The following SLFN12 variants were observed in gnomAD, a reference collection of about 807,000 sequenced individuals.
The protein encoded by SLFN12 is ribonuclease SLFN12.
A neutral mutation model predicts 29.1 loss-of-function variants in SLFN12; 25 were observed. The observed-to-expected ratio is 0.86, with a 90% CI of 0.63 to 1.20. SLFN12 has a LOEUF of 1.20. Ranked by LOEUF, SLFN12 falls within the 50% of genes most tolerant of loss-of-function variation. The pLI is 0.00. For synonymous variants in SLFN12, 257 were observed against 238.7 expected, an observed-to-expected ratio of 1.08 and a Z score of -0.71; for missense variants, 660 against 666.2, an observed-to-expected ratio of 0.99 and a Z score of 0.10.
chr17:35,412,392 G>A (rs888106873), intron 3 of SLFN12, among the ~76,000 whole-genome samples: 3 of 152,016 alleles, frequency 2.0e-5, no homozygotes, highest in Non-Finnish European at 2.9e-5. Context: ...ATATCAACTG[G>A]GAGACTAAAG....
intron 3 of SLFN12, 56 bp downstream of exon 3, chr17:35,420,218 A>G: frequency 8.0e-7 from 1 of 1,243,176 alleles, no homozygotes; most frequent in East Asian, 2.3e-5. Context: ...GTTTGAAGAG[A>G]AAGAGGTTTG....
Position 35,424,871 on chromosome 17 carries a change from G to A in SLFN12, c.-40-1803C>T, listed in dbSNP as rs1911907216. On this transcript the variant is annotated intron_variant, in intron 1 of 3. Transcript: ENST00000304905. ...AAATAAAATCCTATATATTGATCATGTACAATGTGTTTTTTTGAAACTTGT... is the reference window on the plus strand; with the variant it reads ...AAATAAAATCCTATATATTGATCATATACAATGTGTTTTTTTGAAACTTGT... 2.0e-5 allele frequency among the ~76,000 whole-genome samples: 3 copies of A among 152,102 alleles called. No individual in the cohort carries two copies. In the South Asian group the frequency reaches 6.2e-4, roughly 32 times the overall value.
chr17:35,417,559 C>T (rs1040241829), intron 3 of SLFN12, among the ~76,000 whole-genome samples: 1 of 151,930 alleles, frequency 6.6e-6, no homozygotes, highest in African/African-American at 2.4e-5. Context: ...AATGGGAAAG[C>T]CATAGACACA....
At chr17:35,428,776 T>C (rs1912148190) in intron 1 of SLFN12, among the ~76,000 whole-genome samples, 1 of 152,166 alleles carries the variant, frequency 6.6e-6, no homozygotes, top group Non-Finnish European at 1.5e-5. Flanking sequence ...CAATGTGGCA[T>C]AATTATGCTA....
chr17:35,415,547 CA>C (rs1911265583), intron 3 of SLFN12, among the ~76,000 whole-genome samples: 1 of 152,034 alleles, frequency 6.6e-6, no homozygotes, highest in African/African-American at 2.4e-5. Flanking sequence ...TTCTGCACAG[CA>C]AAAGAAATAG....
At chr17:35,413,232 C>T (rs1303626239) in intron 3 of SLFN12, among the ~76,000 whole-genome samples, 4 of 151,966 alleles carry the variant, frequency 2.6e-5, no homozygotes, top group Non-Finnish European at 4.4e-5. Flanking sequence ...AAAGATATCA[C>T]TCACAAATAC....
chr17:35,427,691 T>C (rs937049331), intron 1 of SLFN12, among the ~76,000 whole-genome samples: 1 of 152,182 alleles, frequency 6.6e-6, no homozygotes, highest in African/African-American at 2.4e-5. Flanking sequence ...TTTAAAAACC[T>C]TATTAACTGC....
Position 35,432,334 on chromosome 17 carries a change from C to A in SLFN12, c.-187G>T. ...GATTTATTGAAAACGAAAGTGCACTCCACAGGGTGGGAGCAGGCCCGAGGA... is the reference window on the plus strand; with the variant it reads ...GATTTATTGAAAACGAAAGTGCACTACACAGGGTGGGAGCAGGCCCGAGGA... On this transcript the variant is annotated 5_prime_UTR_variant, in exon 1 of 4. Transcript: ENST00000304905. 1 of 152,370 alleles carries A rather than the reference C, an allele frequency of 6.6e-6. No homozygotes were observed. The highest frequency in any genetic ancestry group is 1.5e-5 in the Non-Finnish European group (1 of 68,120). The allele number at this position is 152,370 out of a possible 1,614,324, so 9.4% of individuals were successfully genotyped here. A position where few individuals can be genotyped will look rare whatever the true frequency, so the allele number is the denominator to read the frequency against.
At chr17:35,427,182 A>C (rs1912063986) in intron 1 of SLFN12, among the ~76,000 whole-genome samples, 1 of 152,212 alleles carries the variant, frequency 6.6e-6, no homozygotes, top group African/African-American at 2.4e-5. Flanking sequence ...CATGCAGGGC[A>C]AAAACTTGGG....
chr17:35,412,304 G>A (rs929733401), intron 3 of SLFN12, among the ~76,000 whole-genome samples: 7 of 152,100 alleles, frequency 4.6e-5, no homozygotes, highest in Non-Finnish European at 5.9e-5. Context: ...AAGCTGCAGA[G>A]AAGAAGCCAA....
intron 3 of SLFN12, 115 bp from the exon 4 acceptor site, chr17:35,412,042 T>C: frequency 1.4e-6 from 1 of 714,362 alleles, no homozygotes; most frequent in South Asian, 2.7e-5. Flanking sequence ...GTAAAAGTTG[T>C]ATAAAATATA....
At chr17:35,421,850 A>G in intron 2 of SLFN12, 140 bp downstream of exon 2, 2 of 1,201,566 alleles carry the variant, frequency 1.7e-6, no homozygotes, top group Non-Finnish European at 2.3e-6. Flanking sequence ...GAGGCAGGGA[A>G]CTATTGATTG....
intron 2 of SLFN12, among the ~76,000 whole-genome samples, chr17:35,421,566 G>A (rs1451204903): frequency 8.0e-6 from 1 of 125,128 alleles, no homozygotes; most frequent in East Asian, 2.5e-4. Context: ...TTGAGATGGA[G>A]TCTCGCTCTG....
At chr17:35,414,651 A>G (rs761613439) in intron 3 of SLFN12, among the ~76,000 whole-genome samples, 1 of 152,002 alleles carries the variant, frequency 6.6e-6, no homozygotes. Flanking sequence ...TCTAGATTTG[A>G]TAAATGAATT....
chr17:35,411,347 C>G lies in SLFN12; in HGVS notation c.1728G>C (p.Arg576Ser). The G allele has an allele frequency of 6.5e-7, 1 of 1,537,136 alleles. No homozygotes were observed. The highest frequency in any genetic ancestry group is 2.3e-5 in the East Asian group (1 of 44,160). ...NDKKMFKSCR[R>S]LT ...CCCAGTCCATTTTCCATCAGGTGAGCCTTCGACAAGATTTAAACATCTTTT... is the reference window on the plus strand; with the variant it reads ...CCCAGTCCATTTTCCATCAGGTGAGGCTTCGACAAGATTTAAACATCTTTT... The change falls in exon 4 of 4, where the codon AGG becomes AGC. Residue 576 changes from arginine (R) to serine (S), a missense_variant. Physicochemically the swap from Arg to Ser is moderately radical, Grantham distance 110. Coordinates refer to ENST00000304905, the MANE Select transcript of SLFN12 (RefSeq NM_018042.5).
chr17:35,421,906 T>C (rs113965176), intron 2 of SLFN12, 84 bp downstream of exon 2: 44 of 1,505,230 alleles, frequency 2.9e-5, no homozygotes, highest in African/African-American at 2.6e-4. Flanking sequence ...TTGAGGACTA[T>C]TGATCTTGCC....
chr17:35,413,281 T>C (rs1205649413), intron 3 of SLFN12, among the ~76,000 whole-genome samples: 2 of 151,762 alleles, frequency 1.3e-5, no homozygotes, highest in African/African-American at 2.4e-5. Flanking sequence ...TCCAAAAAAA[T>C]TGAAGAGGAG....
chr17:35,431,534 T>C (rs1912316319), intron 1 of SLFN12, among the ~76,000 whole-genome samples: 1 of 152,118 alleles, frequency 6.6e-6, no homozygotes, highest in Non-Finnish European at 1.5e-5. Context: ...AGGAACCCCC[T>C]TGGAGAGGCT....
chr17:35,427,113 C>T (rs1256976879), intron 1 of SLFN12, among the ~76,000 whole-genome samples: 1 of 152,170 alleles, frequency 6.6e-6, no homozygotes, highest in African/African-American at 2.4e-5. Context: ...CTATGCCCCA[C>T]CAATTCCAGG....
Sources: gnomAD v4.1 joint callset for allele counts (sites outside exome capture counted in the v4.1 genomes callset) on GRCh38, gnomAD v4.1.1 for gene constraint, MANE v1.5 for transcripts, NCBI Gene and HGNC (gene_info 2026-07-23, HGNC 2026-07-21) for gene names.